Variants in MSH4 observed in about 807,000 individuals in gnomAD.
MSH4 encodes mutS protein homolog 4.
MSH4 carries 106 observed loss-of-function variants against 113.7 expected under a neutral mutation model. The ratio of observed to expected loss-of-function variants is 0.93; its 90% CI spans 0.80 to 1.10. The LOEUF (loss-of-function observed/expected upper bound fraction) is 1.10. Among genes scored for constraint, MSH4 ranks in the 50% least tolerant of loss-of-function variants. The probability of loss-of-function intolerance (pLI) is 0.00; values close to 1 mark genes in which losing one functional copy is unlikely to be tolerated. For missense variants in MSH4, 1,061 were observed against 1,093.7 expected (o/e 0.97, Z 0.42); for synonymous variants, 368 against 380.2 (o/e 0.97, Z 0.37).
At chr1:75,878,362 C>A in intron 11 of MSH4, 44 bp downstream of exon 11, 1 of 1,452,972 alleles carries the variant, frequency 6.9e-7, no homozygotes, top group South Asian at 1.4e-5. Flanking sequence ...GATAAAACAG[C>A]CTTTTCAGGA....
intron 19 of MSH4, among the ~76,000 whole-genome samples, chr1:75,908,856 A>G (rs1652727715): frequency 6.6e-6 from 1 of 152,134 alleles, no homozygotes; most frequent in African/African-American, 2.4e-5. Flanking sequence ...TGTTTGCAGT[A>G]CTACACATCT....
intron 8 of MSH4, among the ~76,000 whole-genome samples, chr1:75,853,415 A>T (rs1651237569): frequency 6.6e-6 from 1 of 152,098 alleles, no homozygotes; most frequent in Non-Finnish European, 1.5e-5. Flanking sequence ...CAGAAATACC[A>T]CAGAAGTGAT....
In MSH4 at chr1:75,807,069, A is replaced by G. The variant is rs1484378209; in HGVS notation, c.516A>G (p.Gly172=). The change falls in exon 3 of 20, where the codon GGA becomes GGG. Residue 172 remains glycine (G), a synonymous_variant. Coordinates refer to ENST00000263187, the MANE Select transcript of MSH4 (RefSeq NM_002440.4). The part of the protein sequence containing the change: ...EGRGLARGEI[G]MASIDLKNPQ... ...GAGGACTTGCCAGAGGTGAAATAGG[A>G]ATGGCAAGTATTGATTTAAAAAACC... is the stretch of plus-strand genomic sequence containing the variant. The G allele has an allele frequency of 3.8e-6, 6 of 1,591,162 alleles. No individual in the cohort carries two copies. The highest frequency in any genetic ancestry group is 3.4e-6 in the Non-Finnish European group (4 of 1,173,718).
chr1:75,882,740 G>GAGGC (rs996717230), intron 14 of MSH4, among the ~76,000 whole-genome samples: 1 of 151,420 alleles, frequency 6.6e-6, no homozygotes, highest in Non-Finnish European at 1.5e-5. Flanking sequence ...TTGAAAGGCT[G>GAGGC]AGGCAGGCAG....
At chr1:75,811,138 C>G (rs939777501) in intron 4 of MSH4, among the ~76,000 whole-genome samples, 1 of 152,150 alleles carries the variant, frequency 6.6e-6, no homozygotes, top group East Asian at 1.9e-4. Context: ...TCCCAAAGTG[C>G]TGGGATTACA....
At chr1:75,847,702 T>C (rs1466932330) in intron 7 of MSH4, among the ~76,000 whole-genome samples, 2 of 152,202 alleles carry the variant, frequency 1.3e-5, no homozygotes, top group African/African-American at 4.8e-5. Context: ...AATAGACATA[T>C]GCTAAGAGCA....
chr1:75,811,506 G>A (rs1183671790), intron 4 of MSH4, among the ~76,000 whole-genome samples: 1 of 152,108 alleles, frequency 6.6e-6, no homozygotes, highest in African/African-American at 2.4e-5. Flanking sequence ...AGTTCTTAGG[G>A]GATAGCAGCT....
At chr1:75,856,974 G>A (rs976205219) in intron 8 of MSH4, among the ~76,000 whole-genome samples, 2 of 151,988 alleles carry the variant, frequency 1.3e-5, no homozygotes, top group African/African-American at 2.4e-5. Flanking sequence ...TTTAATGATC[G>A]CCATTCTAAC....
At chr1:75,833,637 A>G (rs1650759752) in intron 7 of MSH4, among the ~76,000 whole-genome samples, 2 of 152,130 alleles carry the variant, frequency 1.3e-5, no homozygotes, top group African/African-American at 2.4e-5. Context: ...CCACACATCT[A>G]CAACCATCTA....
At chr1:75,811,613 A>G (rs546089458) in intron 4 of MSH4, among the ~76,000 whole-genome samples, 71 of 152,254 alleles carry the variant, frequency 4.7e-4, no homozygotes, top group Non-Finnish European at 9.0e-4. Context: ...TTAGCCTGCT[A>G]CTCTAGTGTC....
intron 19 of MSH4, among the ~76,000 whole-genome samples, chr1:75,911,006 A>C (rs1652775878): frequency 6.6e-6 from 1 of 151,964 alleles, no homozygotes; most frequent in African/African-American, 2.4e-5. Context: ...TTTATTACAA[A>C]GTAAAGTTGA....
intron 17 of MSH4, among the ~76,000 whole-genome samples, chr1:75,894,088 G>C (rs1198197110): frequency 6.6e-6 from 1 of 152,108 alleles, no homozygotes; most frequent in Non-Finnish European, 1.5e-5. Flanking sequence ...AGGAGCCCTG[G>C]CAGCCTTGAA....
intron 17 of MSH4, among the ~76,000 whole-genome samples, chr1:75,897,384 C>T (rs149240115): frequency 9.9e-4 from 150 of 152,200 alleles, no homozygotes; most frequent in African/African-American, 3.4e-3. Context: ...TCTACCAGTA[C>T]CTAACCCAAA....
At chr1:75,840,524 T>TG (rs555566497) in intron 7 of MSH4, among the ~76,000 whole-genome samples, 16,958 of 65,952 alleles carry the variant, frequency 0.26, 1,646 homozygotes, top group Admixed American at 0.36. Flanking sequence ...TGTTGTGGGG[T>TG]GGGGGAGGGG....
At chr1:75,805,554 A>T (rs1482878432) in intron 2 of MSH4, among the ~76,000 whole-genome samples, 8 of 149,166 alleles carry the variant, frequency 5.4e-5, no homozygotes, top group Admixed American at 3.3e-4. Context: ...TGCTCAGCCA[A>T]TTTTTTTTTT....
intron 11 of MSH4, 110 bp from the exon 12 acceptor site, chr1:75,878,882 G>T (rs1352716167): frequency 1.0e-5 from 9 of 865,210 alleles, no homozygotes; most frequent in East Asian, 6.5e-5. Context: ...TCCTATTTAT[G>T]TATAAAATAA....
At chr1:75,886,899 T>G (rs112007285) in intron 15 of MSH4, among the ~76,000 whole-genome samples, 254 of 149,098 alleles carry the variant, frequency 1.7e-3, no homozygotes, top group African/African-American at 6.0e-3. Context: ...AGAAACTCCA[T>G]AAGAAAGTTG....
At chr1:75,859,586 T>C (rs971814618) in intron 8 of MSH4, among the ~76,000 whole-genome samples, 27 of 152,238 alleles carry the variant, frequency 1.8e-4, no homozygotes, top group Non-Finnish European at 4.4e-5. Context: ...GTGAGTCTCT[T>C]AATCCTGACT....
At chr1:75,843,614 C>T (rs1400027885) in intron 7 of MSH4, among the ~76,000 whole-genome samples, 1 of 152,108 alleles carries the variant, frequency 6.6e-6, no homozygotes, top group Non-Finnish European at 1.5e-5. Context: ...GCATAACTCC[C>T]TAGACCCCTT....
Sources: allele counts gnomAD v4.1 joint callset (sites outside exome capture counted in the v4.1 genomes callset), GRCh38; gene constraint gnomAD v4.1.1; transcripts MANE v1.5; gene names NCBI Gene and HGNC (gene_info 2026-07-23, HGNC 2026-07-21).